The following CTNNA2 variants were observed in gnomAD, a reference collection of about 807,000 sequenced individuals.
CTNNA2 encodes the protein catenin alpha-2.
CTNNA2 carries 42 observed loss-of-function variants against 101.0 expected under a neutral mutation model. That is an observed-to-expected ratio of 0.42 (90% CI 0.32 to 0.54). The LOEUF is 0.54. Among genes scored for constraint, CTNNA2 ranks in the 20% least tolerant of loss-of-function variants. The probability of loss-of-function intolerance (pLI) is 0.14; values close to 1 mark genes in which losing one functional copy is unlikely to be tolerated. For synonymous variants in CTNNA2, 450 were observed against 456.4 expected (o/e 0.99, Z 0.18); for missense variants, 871 against 1,223.1 (o/e 0.71, Z 4.29).
At chr2:79,877,630 A>G (rs1010579546) in intron 6 of CTNNA2, among the ~76,000 whole-genome samples, 1 of 152,158 alleles carries the variant, frequency 6.6e-6, no homozygotes, top group Non-Finnish European at 1.5e-5. Flanking sequence ...CAGATATTAA[A>G]CAAATTGATA....
chr2:80,597,692 A>AT (rs770155880), intron 15 of CTNNA2, among the ~76,000 whole-genome samples: 1 of 152,208 alleles, frequency 6.6e-6, no homozygotes, highest in Non-Finnish European at 1.5e-5. Flanking sequence ...AAAAGAAGAC[A>AT]TTTATGTGGC....
At chr2:79,863,661 T>A (rs901031420) in intron 4 of CTNNA2, among the ~76,000 whole-genome samples, 3 of 152,076 alleles carry the variant, frequency 2.0e-5, no homozygotes, top group African/African-American at 7.2e-5. Context: ...TGACAAGAAC[T>A]CTTAAGGAAT....
chr2:80,193,774 C>G (rs951933037), intron 7 of CTNNA2, among the ~76,000 whole-genome samples: 1 of 152,148 alleles, frequency 6.6e-6, no homozygotes, highest in Non-Finnish European at 1.5e-5. Context: ...TCCTCCACCT[C>G]TCACCCCTTT....
At chr2:79,900,881 A>G (rs532725829) in intron 6 of CTNNA2, among the ~76,000 whole-genome samples, 1 of 152,324 alleles carries the variant, frequency 6.6e-6, no homozygotes, top group South Asian at 2.1e-4. Flanking sequence ...ATTATTACAC[A>G]TTGTATGCCT....
intron 2 of CTNNA2, among the ~76,000 whole-genome samples, chr2:79,295,932 G>T (rs1675968675): frequency 2.6e-5 from 4 of 152,032 alleles, no homozygotes; most frequent in Admixed American, 2.6e-4. Flanking sequence ...ACAAAATTGT[G>T]GGGAAATTTT....
chr2:80,583,468 T>C (rs978293977), intron 14 of CTNNA2, among the ~76,000 whole-genome samples: 1 of 152,190 alleles, frequency 6.6e-6, no homozygotes, highest in African/African-American at 2.4e-5. Context: ...AAACAGTCAA[T>C]TCATCTTCAG....
chr2:79,979,908 T>C (rs1438704260), intron 7 of CTNNA2, among the ~76,000 whole-genome samples: 1 of 152,144 alleles, frequency 6.6e-6, no homozygotes, highest in Non-Finnish European at 1.5e-5. Context: ...AACTTAATTG[T>C]TCATGGTACT....
intron 9 of CTNNA2, among the ~76,000 whole-genome samples, chr2:80,486,017 T>C (rs11126769): frequency 0.34 from 52,182 of 151,908 alleles, 9,340 homozygotes; most frequent in East Asian, 0.62. Flanking sequence ...TTTTTCCAGC[T>C]CCTAATTACA....
At chr2:79,478,877 T>C (rs1406190267) in intron 4 of CTNNA2, among the ~76,000 whole-genome samples, 1 of 152,188 alleles carries the variant, frequency 6.6e-6, no homozygotes, top group Non-Finnish European at 1.5e-5. Context: ...ACTCTCAAAG[T>C]GAAGGCCATT....
intron 13 of CTNNA2, 84 bp from the exon 14 acceptor site, chr2:80,581,622 A>T: frequency 1.2e-6 from 1 of 819,902 alleles, no homozygotes; most frequent in Non-Finnish European, 2.1e-6. Flanking sequence ...TTGCTGGGGG[A>T]TATTTAGCCT....
At chr2:80,513,358 G>A (rs551964730) in intron 9 of CTNNA2, among the ~76,000 whole-genome samples, 1 of 152,166 alleles carries the variant, frequency 6.6e-6, no homozygotes, top group African/African-American at 2.4e-5. Flanking sequence ...AATAACAGTT[G>A]TTTAGCTGGG....
chr2:80,193,662 C>T lies in CTNNA2; in HGVS notation c.1057-199549C>T, dbSNP rs558565950. 1.6e-4 allele frequency among the ~76,000 whole-genome samples: 24 copies of T among 152,266 alleles called. 1 individual carries two copies. The highest frequency in any genetic ancestry group is 4.1e-4 in the African/African-American group (17 of 41,556). On this transcript the variant is annotated intron_variant, in intron 7 of 18. Coordinates refer to ENST00000402739, the MANE Select transcript of CTNNA2 (RefSeq NM_001282597.3). The stretch of plus-strand genomic sequence containing the variant: ...TTTTTAGAAAAATCACTTGGCTTTT[C>T]TGGGTCTTGGGTTTTCTCATTAATC...
At chr2:80,542,251 G>GTA (rs1388210591) in intron 9 of CTNNA2, among the ~76,000 whole-genome samples, 5 of 129,962 alleles carry the variant, frequency 3.8e-5, no homozygotes, top group African/African-American at 1.7e-4. Flanking sequence ...ACATATTTAT[G>GTA]TGTATATATA....
chr2:80,634,079 A>C (rs1385262370), intron 18 of CTNNA2, among the ~76,000 whole-genome samples: 1 of 152,142 alleles, frequency 6.6e-6, no homozygotes, highest in Non-Finnish European at 1.5e-5. Context: ...TTCACGTCCT[A>C]TTTCCCCACC....
intron 3 of CTNNA2, among the ~76,000 whole-genome samples, chr2:79,371,430 G>A (rs1257304567): frequency 6.6e-6 from 1 of 152,026 alleles, no homozygotes; most frequent in Non-Finnish European, 1.5e-5. Context: ...ATGTGGAACC[G>A]ACATATGGAA....
At chr2:79,351,314 A>T (rs1042169598) in intron 3 of CTNNA2, among the ~76,000 whole-genome samples, 1 of 152,164 alleles carries the variant, frequency 6.6e-6, no homozygotes, top group Non-Finnish European at 1.5e-5. Context: ...TCTTGAGTTA[A>T]TTTTTGTATA....
chr2:79,925,540 C>G (rs533843725), intron 7 of CTNNA2, among the ~76,000 whole-genome samples: 2 of 152,066 alleles, frequency 1.3e-5, no homozygotes, highest in Non-Finnish European at 2.9e-5. Context: ...GGATTATTTA[C>G]TAGCAAATCA....
intron 7 of CTNNA2, among the ~76,000 whole-genome samples, chr2:80,340,709 G>A (rs377598964): frequency 1.1e-4 from 16 of 152,110 alleles, no homozygotes; most frequent in African/African-American, 3.4e-4. Context: ...TACAGGCTTT[G>A]GGAAACAAGT....
chr2:79,364,761 A>G (rs1311521129), intron 3 of CTNNA2, among the ~76,000 whole-genome samples: 1 of 152,196 alleles, frequency 6.6e-6, no homozygotes, highest in Non-Finnish European at 1.5e-5. Context: ...TCAAAAGTAG[A>G]TTTCTCATGT....
Sources: allele counts gnomAD v4.1 joint callset (sites outside exome capture counted in the v4.1 genomes callset), GRCh38; gene constraint gnomAD v4.1.1; transcripts MANE v1.5; gene names NCBI Gene and HGNC (gene_info 2026-07-23, HGNC 2026-07-21).